The following PRMT8 variants were observed in gnomAD, a reference collection of about 807,000 sequenced individuals.
PRMT8 encodes protein arginine methyltransferase 8, also known as protein arginine N-methyltransferase 8.
In PRMT8, 7 loss-of-function variants were observed where a neutral mutation model predicts 47.1. The observed-to-expected ratio is 0.15, with a 90% CI of 0.08 to 0.28. The LOEUF is 0.28. Among genes scored for constraint, PRMT8 ranks in the 10% least tolerant of loss-of-function variants. PRMT8 has a pLI of 1.00. For missense variants in PRMT8, 237 were observed against 505.4 expected (o/e 0.47, Z 5.09); for synonymous variants, 188 against 186.5 (o/e 1.01, Z -0.07).
Position 3,409,506 on chromosome 12 carries a change from G to A in PRMT8, c.48+28064G>A, listed in dbSNP as rs184424781. ...AATTCAGCTGCAGCTTGGGCCTCAG[G>A]AAGCATGGAGCAGCACAGCAATGAC... On this transcript the variant is annotated intron_variant, in intron 1 of 9. Coordinates refer to the PRMT8 transcript ENST00000452611. This position sits in a 1 kb window ranked among gnomAD's most constrained non-coding sequence, Gnocchi z 4.4. Among the ~76,000 whole-genome samples, 2 of 152,250 alleles carry A rather than the reference G, an allele frequency of 1.3e-5. No individual in the cohort carries two copies. The highest frequency in any genetic ancestry group is 3.9e-4 in the East Asian group (2 of 5,166).
At position 3,557,764 on chromosome 12, in the gene PRMT8, TTG is replaced by T. The variant is rs1866552887; in HGVS notation, c.481+4055_481+4056del. The stretch of plus-strand genomic sequence containing the variant: ...GACTGAGCCCTTTGCTAAGGTGTGT[TTG>T]TGTGGATGCAGAAGCACCAGGAGTG... On this transcript the variant is annotated intron_variant, in intron 4 of 9. Transcript: ENST00000382622. This position sits in a 1 kb window ranked among gnomAD's most constrained non-coding sequence, Gnocchi z 4.7. Among the ~76,000 whole-genome samples, 1 of 151,870 alleles carries T rather than the reference TTG, an allele frequency of 6.6e-6. No homozygotes were observed. The highest frequency in any genetic ancestry group is 6.6e-5 in the Admixed American group (1 of 15,258).
chr12:3,528,519 A>G (rs1408394169), intron 1 of PRMT8, among the ~76,000 whole-genome samples: 1 of 152,108 alleles, frequency 6.6e-6, no homozygotes, highest in Non-Finnish European at 1.5e-5. Flanking sequence ...AATATCTTCC[A>G]TATCTCTACT....
At chr12:3,451,256 G>A (rs1419400229) in intron 1 of PRMT8, among the ~76,000 whole-genome samples, 6 of 152,112 alleles carry the variant, frequency 3.9e-5, no homozygotes, top group African/African-American at 1.4e-4. Context: ...CCTTTGAGAT[G>A]CTTTAATCTA....
chr12:3,442,784 G>T (rs893126579), intron 1 of PRMT8, among the ~76,000 whole-genome samples: 1 of 152,120 alleles, frequency 6.6e-6, no homozygotes, highest in African/African-American at 2.4e-5. Flanking sequence ...TCAGCCTCCT[G>T]AGTAGCTGGG....
At position 3,557,401 on chromosome 12, in the gene PRMT8, A is replaced by C. The variant is rs1229409318; in HGVS notation, c.481+3687A>C. 2.6e-5 allele frequency among the ~76,000 whole-genome samples: 4 copies of C among 152,086 alleles called. No individual in the cohort carries two copies. Among genetic ancestry groups the C allele is most frequent in the Non-Finnish European group, 4.4e-5 (3 of 68,012 alleles). ...GGAGAAGGATGGTGGTGGTTGTGAC[A>C]AAGGCTGGGGCGAGGGGCGGGCAGC... On this transcript the variant is annotated intron_variant, in intron 4 of 9. Transcript: ENST00000382622. This position sits in a 1 kb window ranked among gnomAD's most constrained non-coding sequence, Gnocchi z 4.7.
At position 3,492,356 on chromosome 12, in the gene PRMT8, C is replaced by T. The variant is rs1237193340; in HGVS notation, c.75+656C>T. 6.6e-6 allele frequency among the ~76,000 whole-genome samples: 1 copy of T among 152,138 alleles called. No individual in the cohort carries two copies. The highest frequency in any genetic ancestry group is 1.5e-5 in the Non-Finnish European group (1 of 68,010). ...CTCTGGGTAGCTAAACCCGGCAGGG[C>T]ACACGGGCCGCGGCCACCTTCAGCA... On this transcript the variant is annotated intron_variant, in intron 1 of 9. Coordinates refer to ENST00000382622, the MANE Select transcript of PRMT8 (RefSeq NM_019854.5). This position sits in a 1 kb window ranked among gnomAD's most constrained non-coding sequence, Gnocchi z 7.5.
intron 7 of PRMT8, among the ~76,000 whole-genome samples, chr12:3,579,931 A>C (rs940475215): frequency 6.6e-6 from 1 of 152,066 alleles, no homozygotes; most frequent in Non-Finnish European, 1.5e-5. Context: ...CTGGGGTCTC[A>C]GAGCTGCTGT....
At chr12:3,457,299 G>A (rs1864984961) in intron 1 of PRMT8, among the ~76,000 whole-genome samples, 2 of 152,080 alleles carry the variant, frequency 1.3e-5, no homozygotes, top group Non-Finnish European at 1.5e-5. Context: ...TCCTGACTTT[G>A]CTAAGCATAT....
chr12:3,548,880 G>A (rs986054785), intron 2 of PRMT8, among the ~76,000 whole-genome samples: 12 of 152,078 alleles, frequency 7.9e-5, no homozygotes, highest in Non-Finnish European at 1.8e-4. Context: ...TGAATAAATA[G>A]CAAAAAACTG....
chr12:3,467,096 C>T (rs1230067219), intron 1 of PRMT8, among the ~76,000 whole-genome samples: 2 of 151,682 alleles, frequency 1.3e-5, no homozygotes, highest in Non-Finnish European at 2.9e-5. Flanking sequence ...AAAAATTAAC[C>T]GGGCGTGGTG....
At chr12:3,393,497 C>T (rs1224228343) in intron 1 of PRMT8, among the ~76,000 whole-genome samples, 2 of 151,946 alleles carry the variant, frequency 1.3e-5, no homozygotes, top group African/African-American at 4.8e-5. Flanking sequence ...TTGTTTTTCT[C>T]AGGTTTGTCA....
At chr12:3,563,549 A>G (rs534807978) in intron 4 of PRMT8, among the ~76,000 whole-genome samples, 2 of 151,302 alleles carry the variant, frequency 1.3e-5, no homozygotes, top group South Asian at 4.2e-4. Flanking sequence ...ACTCCTGACC[A>G]GCCGCAGGAG....
At chr12:3,522,794 A>C (rs1413071253) in intron 1 of PRMT8, among the ~76,000 whole-genome samples, 1 of 146,838 alleles carries the variant, frequency 6.8e-6, no homozygotes, top group African/African-American at 2.7e-5. Context: ...AACAAACAAA[A>C]AACAAACAAA....
chr12:3,592,380 A>G, intron 9 of PRMT8, 28 bp downstream of exon 9: 2 of 1,595,462 alleles, frequency 1.3e-6, no homozygotes, highest in South Asian at 2.3e-5. Context: ...TAAGGACATA[A>G]GGGAGAAGGG....
At chr12:3,489,857 A>ACACT (rs1555084711), upstream of PRMT8, among the ~76,000 whole-genome samples, 4 of 150,844 alleles carry the variant, frequency 2.7e-5, no homozygotes, top group Admixed American at 1.3e-4. Flanking sequence ...ACACACACAC[A>ACACT]CTCAAGCCTC....
At chr12:3,548,699 G>A (rs1418214034) in intron 2 of PRMT8, among the ~76,000 whole-genome samples, 1 of 152,222 alleles carries the variant, frequency 6.6e-6, no homozygotes, top group Admixed American at 6.5e-5. Flanking sequence ...GTGTCTGGCT[G>A]TGAAGCACCT....
intron 1 of PRMT8, among the ~76,000 whole-genome samples, chr12:3,471,316 C>G (rs1234396108): frequency 6.6e-6 from 1 of 152,110 alleles, no homozygotes; most frequent in African/African-American, 2.4e-5. Context: ...CTGCAAACCC[C>G]AGGTGCTTAG....
intron 1 of PRMT8, among the ~76,000 whole-genome samples, chr12:3,405,507 C>G (rs1417234558): frequency 6.6e-6 from 1 of 152,178 alleles, no homozygotes; most frequent in Non-Finnish European, 1.5e-5. Context: ...AATCCAAAGT[C>G]TCATCTGAGA....
intron 1 of PRMT8, among the ~76,000 whole-genome samples, chr12:3,540,268 A>C (rs1009040647): frequency 5.3e-5 from 8 of 152,170 alleles, no homozygotes; most frequent in Non-Finnish European, 1.2e-4. Flanking sequence ...CCTTTATTGA[A>C]TGTTTCCTAT....
Sources: gnomAD v4.1 joint callset for allele counts (sites outside exome capture counted in the v4.1 genomes callset) on GRCh38, gnomAD v4.1.1 for gene constraint, Gnocchi (gnomAD v3.1) non-coding constraint, MANE v1.5 for transcripts, NCBI Gene and HGNC (gene_info 2026-07-23, HGNC 2026-07-21) for gene names.